The following RFX6 variants were observed in gnomAD, a reference collection of about 807,000 sequenced individuals.
RFX6 encodes the protein regulatory factor X6.
RFX6 carries 50 observed loss-of-function variants against 110.8 expected under a neutral mutation model. The ratio of observed to expected loss-of-function variants is 0.45; its 90% CI spans 0.36 to 0.57. RFX6 has a LOEUF of 0.57. RFX6 is among the 20% of genes least tolerant of loss of function. The pLI is 0.00. For synonymous variants in RFX6, 383 were observed against 411.2 expected (o/e 0.93, Z 0.83); for missense variants, 990 against 1,127.0 (o/e 0.88, Z 1.74).
At chr6:116,913,458 T>C (rs377665487) in intron 7 of RFX6, among the ~76,000 whole-genome samples, 1 of 152,190 alleles carries the variant, frequency 6.6e-6, no homozygotes, top group African/African-American at 2.4e-5. Flanking sequence ...CTACTCATAG[T>C]GTCTCTCGAG....
intron 6 of RFX6, among the ~76,000 whole-genome samples, chr6:116,908,357 T>TA (rs1418105868): frequency 1.3e-5 from 2 of 151,944 alleles, no homozygotes; most frequent in Non-Finnish European, 2.9e-5. Context: ...GCAACTTTGC[T>TA]AAAAAAAACT....
chr6:116,929,296 A>G (rs142461439), intron 18 of RFX6, among the ~76,000 whole-genome samples: 1,714 of 152,318 alleles, frequency 0.011, 29 homozygotes, highest in Admixed American at 0.042. Flanking sequence ...TTAAAAGGGC[A>G]GTAATAATAT....
intron 6 of RFX6, among the ~76,000 whole-genome samples, chr6:116,905,699 G>A (rs9489062): frequency 0.011 from 1,692 of 151,886 alleles, 32 homozygotes; most frequent in African/African-American, 0.039. Flanking sequence ...CTGCAGGCGT[G>A]TGCCACCATG....
At position 116,893,542 on chromosome 6, in the gene RFX6, G is replaced by A. The variant is rs118031492; in HGVS notation, c.567-445G>A. ...GAAAATAATGTGTAAAGGGTCACAT[G>A]TTTCATACATATTCCCATGTGTGAG... On this transcript the variant is annotated intron_variant, in intron 4 of 18. Coordinates refer to ENST00000332958, the MANE Select transcript of RFX6 (RefSeq NM_173560.4). Among the ~76,000 whole-genome samples, 1,029 of 152,248 alleles carry A rather than the reference G, an allele frequency of 6.8e-3. 6 individuals are homozygous for A. Among genetic ancestry groups the A allele is most frequent in the Non-Finnish European group, 0.011 (723 of 67,998 alleles).
intron 2 of RFX6, among the ~76,000 whole-genome samples, chr6:116,878,560 G>T (rs1159322474): frequency 6.6e-6 from 1 of 151,784 alleles, no homozygotes; most frequent in Non-Finnish European, 1.5e-5. Context: ...TTAAAACCAA[G>T]AATTTATCAG....
intron 4 of RFX6, among the ~76,000 whole-genome samples, chr6:116,882,756 G>C (rs189426036): frequency 7.6e-4 from 116 of 152,194 alleles, no homozygotes; most frequent in African/African-American, 2.6e-3. Flanking sequence ...CAAACCAGGG[G>C]GTAAAGAGCT....
chr6:116,928,258 TAG>T (rs1395237373), intron 17 of RFX6, among the ~76,000 whole-genome samples: 2 of 152,174 alleles, frequency 1.3e-5, no homozygotes, highest in Non-Finnish European at 2.9e-5. Flanking sequence ...TTAAGGGAAT[TAG>T]AGAGACCTGT....
At position 116,922,119 on chromosome 6, in the gene RFX6, T is replaced by C. The variant is rs987158446; in HGVS notation, c.1405T>C (p.Leu469=). 9.3e-5 allele frequency: 142 copies of C among 1,523,162 alleles called. No individual in the cohort carries two copies. The highest frequency in any genetic ancestry group is 1.3e-4 in the Non-Finnish European group (140 of 1,098,304). 94.4% of individuals were successfully genotyped at this position (1,523,162 alleles called of 1,614,324 possible). ...NATVEAFIEW[L]DTVVEQRVIK... ...CACTGTGGAGGCTTTTATTGAATGG[T>C]TGGATACTGTGGTAGAACAGAGAGT... The change falls in exon 13 of 19, where the codon TTG becomes CTG. Residue 469 remains leucine (L), a synonymous_variant. Coordinates refer to ENST00000332958, the MANE Select transcript of RFX6 (RefSeq NM_173560.4).
At chr6:116,890,123 AAG>A (rs1283877500) in intron 4 of RFX6, among the ~76,000 whole-genome samples, 1 of 152,126 alleles carries the variant, frequency 6.6e-6, no homozygotes, top group South Asian at 2.1e-4. Flanking sequence ...TGCAATACAA[AAG>A]AGAGATATCT....
At chr6:116,910,590 TA>T (rs777794339) in intron 6 of RFX6, among the ~76,000 whole-genome samples, 3 of 152,212 alleles carry the variant, frequency 2.0e-5, no homozygotes, top group Non-Finnish European at 4.4e-5. Context: ...ATAGTTAAAA[TA>T]ATTTCAGTAG....
intron 6 of RFX6, among the ~76,000 whole-genome samples, chr6:116,908,685 CACAG>C (rs59785832): frequency 0.17 from 15,148 of 90,934 alleles, 814 homozygotes; most frequent in East Asian, 0.25. Context: ...CACACACACA[CACAG>C]ACACACACAC....
intron 4 of RFX6, among the ~76,000 whole-genome samples, chr6:116,890,574 T>A (rs577356796): frequency 6.6e-6 from 1 of 152,268 alleles, no homozygotes; most frequent in Admixed American, 6.5e-5. Flanking sequence ...GGCATGTATA[T>A]AAGATTGTAT....
At chr6:116,879,905 A>G (rs1343224847) in intron 2 of RFX6, among the ~76,000 whole-genome samples, 1 of 151,998 alleles carries the variant, frequency 6.6e-6, no homozygotes, top group African/African-American at 2.4e-5. Flanking sequence ...TATATATGTT[A>G]TGTTTGGAGA....
chr6:116,928,662 A>C, intron 17 of RFX6, 97 bp from the exon 18 acceptor site: 1 of 807,240 alleles, frequency 1.2e-6, no homozygotes, highest in Admixed American at 1.8e-5. Context: ...ACAGTTTGAT[A>C]TCTTTAGGAC....
intron 1 of RFX6, 136 bp downstream of exon 1, chr6:116,877,634 A>G: frequency 9.5e-7 from 1 of 1,053,234 alleles, no homozygotes; most frequent in South Asian, 1.6e-5. Flanking sequence ...GTATTTCCTC[A>G]GTAAAATGTC....
At chr6:116,929,182 A>T (rs1244481469) in intron 18 of RFX6, among the ~76,000 whole-genome samples, 1 of 152,140 alleles carries the variant, frequency 6.6e-6, no homozygotes, top group African/African-American at 2.4e-5. Context: ...CTATTATGCA[A>T]CCTACTGCTA....
chr6:116,922,251 T>C (rs1775617114), intron 13 of RFX6, 100 bp downstream of exon 13: 1 of 741,344 alleles, frequency 1.3e-6, no homozygotes, highest in Admixed American at 1.9e-5. Context: ...TGGAAGGCTG[T>C]GTGTGTAAAG....
chr6:116,889,628 G>A (rs534598512), intron 4 of RFX6, among the ~76,000 whole-genome samples: 1 of 152,136 alleles, frequency 6.6e-6, no homozygotes, highest in African/African-American at 2.4e-5. Context: ...GTACCACCGT[G>A]GCTATGGCAA....
At chr6:116,923,848 A>G (rs1352996429) in intron 14 of RFX6, among the ~76,000 whole-genome samples, 1 of 152,170 alleles carries the variant, frequency 6.6e-6, no homozygotes, top group Non-Finnish European at 1.5e-5. Flanking sequence ...TGAGACTCCT[A>G]TTTTATAGTT....
Sources: allele counts gnomAD v4.1 joint callset (sites outside exome capture counted in the v4.1 genomes callset), GRCh38; gene constraint gnomAD v4.1.1; transcripts MANE v1.5; gene names NCBI Gene and HGNC (gene_info 2026-07-23, HGNC 2026-07-21).